The following CEPT1 variants were observed in gnomAD, a reference collection of about 807,000 sequenced individuals.
CEPT1 encodes choline/ethanolaminephosphotransferase 1.
CEPT1 carries 7 observed loss-of-function variants against 42.6 expected under a neutral mutation model. That is an observed-to-expected ratio of 0.16 (90% CI 0.09 to 0.31). The LOEUF is 0.31. Among genes scored for constraint, CEPT1 ranks in the 10% least tolerant of loss-of-function variants. CEPT1 has a pLI of 1.00. For missense variants in CEPT1, 306 were observed against 502.1 expected (o/e 0.61, Z 3.73); for synonymous variants, 171 against 171.9 (o/e 0.99, Z 0.04).
intron 1 of CEPT1, among the ~76,000 whole-genome samples, chr1:111,145,127 T>G (rs1222653501): frequency 6.6e-6 from 1 of 152,116 alleles, no homozygotes; most frequent in Non-Finnish European, 1.5e-5. Flanking sequence ...GCAATTCTCC[T>G]GCCTCAGCCT....
chr1:111,150,851 C>T lies in CEPT1; in HGVS notation c.339+2798C>T, dbSNP rs181010963. 2.1e-3 allele frequency among the ~76,000 whole-genome samples: 315 copies of T among 152,244 alleles called. 1 individual carries two copies. Among genetic ancestry groups the T allele is most frequent in the Admixed American group, 3.3e-3 (51 of 15,296 alleles). ...TTTTATATGGAGAGCCAAAATTTCC[C>T]TTTGATCTGTTCATTACTCAGTATT... On this transcript the variant is annotated intron_variant, in intron 2 of 8. Coordinates refer to ENST00000357172, the MANE Select transcript of CEPT1 (RefSeq NM_006090.5).
At chr1:111,165,381 G>A (rs1161016074) in intron 4 of CEPT1, among the ~76,000 whole-genome samples, 1 of 151,814 alleles carries the variant, frequency 6.6e-6, no homozygotes, top group African/African-American at 2.4e-5. Flanking sequence ...AAAAATCTAT[G>A]CTGTAAAGGC....
chr1:111,140,080 T>A (rs1403647024), upstream of CEPT1: 2 of 152,344 alleles, frequency 1.3e-5, no homozygotes, highest in Non-Finnish European at 2.9e-5. Context: ...CCGAAGCCCC[T>A]ATGCTAAAAG....
At chr1:111,152,114 T>G (rs531022033) in intron 2 of CEPT1, among the ~76,000 whole-genome samples, 52 of 152,340 alleles carry the variant, frequency 3.4e-4, no homozygotes, top group African/African-American at 1.2e-3. Context: ...AAGAGTCGTG[T>G]CAGATTTCAA....
chr1:111,168,861 T>C (rs930431369), intron 4 of CEPT1, among the ~76,000 whole-genome samples: 10 of 152,148 alleles, frequency 6.6e-5, no homozygotes, highest in African/African-American at 2.4e-4. Context: ...CAAAATAACC[T>C]TGGAATGTGG....
intron 2 of CEPT1, among the ~76,000 whole-genome samples, chr1:111,158,529 A>G (rs1218149519): frequency 6.6e-6 from 1 of 152,220 alleles, no homozygotes; most frequent in African/African-American, 2.4e-5. Context: ...AGAGATGTTT[A>G]AAAATGTTAC....
At chr1:111,147,278 G>T (rs1458052551) in intron 1 of CEPT1, among the ~76,000 whole-genome samples, 1 of 152,156 alleles carries the variant, frequency 6.6e-6, no homozygotes, top group African/African-American at 2.4e-5. Flanking sequence ...TAATTTGCTA[G>T]CCTTGGGACC....
rs766325925 is a variant in CEPT1 at position 111,147,698 on chromosome 1, A to T, written c.-17A>T. On this transcript the variant is annotated 5_prime_UTR_variant, in exon 2 of 9. Transcript: ENST00000357172. ...AGGGAAATTACTGTCTTTAAATATT[A>T]AAAAAAAACAAGATCCATGAGTGGG... is the stretch of plus-strand genomic sequence containing the variant. 1.3e-6 allele frequency: 2 copies of T among 1,517,742 alleles called. No homozygotes were observed. The highest frequency in any genetic ancestry group is 1.8e-6 in the Non-Finnish European group (2 of 1,119,422). 94.0% of individuals were successfully genotyped at this position (1,517,742 alleles called of 1,614,324 possible).
intron 4 of CEPT1, among the ~76,000 whole-genome samples, chr1:111,170,351 G>A (rs1371992968): frequency 1.3e-5 from 2 of 152,102 alleles, no homozygotes. Flanking sequence ...TTCTCAGAAA[G>A]TCTGAAGATC....
At chr1:111,169,177 A>AC (rs373892740) in intron 4 of CEPT1, among the ~76,000 whole-genome samples, 5 of 152,344 alleles carry the variant, frequency 3.3e-5, no homozygotes, top group African/African-American at 1.2e-4. Context: ...TGGATGCAGA[A>AC]CCCACAGATA....
At chr1:111,172,682 G>A (rs1656480482) in intron 4 of CEPT1, among the ~76,000 whole-genome samples, 1 of 152,122 alleles carries the variant, frequency 6.6e-6, no homozygotes, top group African/African-American at 2.4e-5. Context: ...TGCACTGCAT[G>A]CACCCTTTTT....
intron 2 of CEPT1, 114 bp from the exon 3 acceptor site, chr1:111,159,266 G>T: frequency 2.1e-6 from 2 of 952,728 alleles, no homozygotes; most frequent in Non-Finnish European, 3.2e-6. Context: ...GTAGCACTTG[G>T]ATCTTCTCTC....
chr1:111,174,741 C>T (rs1233636783), intron 4 of CEPT1, 138 bp from the exon 5 acceptor site: 4 of 511,412 alleles, frequency 7.8e-6, no homozygotes, highest in Non-Finnish European at 1.1e-5. Context: ...TTTTTGATGC[C>T]TCCTTTTCCC....
intron 4 of CEPT1, among the ~76,000 whole-genome samples, chr1:111,163,346 A>G (rs533949920): frequency 1.1e-4 from 16 of 152,328 alleles, no homozygotes; most frequent in African/African-American, 2.9e-4. Context: ...GAAATGTGCT[A>G]TGGCCAGGCA....
intron 2 of CEPT1, among the ~76,000 whole-genome samples, chr1:111,154,623 T>C (rs1655462319): frequency 6.6e-6 from 1 of 152,336 alleles, no homozygotes; most frequent in South Asian, 2.1e-4. Flanking sequence ...GCTGTTGGTA[T>C]GTCATATATG....
chr1:111,160,971 G>C, intron 3 of CEPT1, 184 bp from the exon 4 acceptor site: 1 of 481,454 alleles, frequency 2.1e-6, no homozygotes, highest in Non-Finnish European at 3.6e-6. Flanking sequence ...AAAAAAAAAA[G>C]AGAGATTGAA....
chr1:111,141,882 G>C (rs1393460703), intron 1 of CEPT1, among the ~76,000 whole-genome samples: 1 of 151,686 alleles, frequency 6.6e-6, no homozygotes, highest in African/African-American at 2.4e-5. Flanking sequence ...GTAGCCATGA[G>C]TATTTTTCTT....
chr1:111,178,831 A>G (rs1400697393), intron 5 of CEPT1: 3 of 152,316 alleles, frequency 2.0e-5, no homozygotes, highest in Middle Eastern at 3.4e-3. Context: ...CAGACTGAAG[A>G]CGTTCTATGT....
At position 111,175,400 on chromosome 1, in the gene CEPT1, C is replaced by G. The variant is rs186836264; in HGVS notation, c.714+437C>G. Among the ~76,000 whole-genome samples the G allele has an allele frequency of 1.1e-4, 17 of 152,312 alleles. No homozygotes were observed. The East Asian group carries it at 3.1e-3, about 28-fold the overall frequency. On this transcript the variant is annotated intron_variant, in intron 5 of 8. Transcript: ENST00000357172. ...AGGATAAATACCTGTTGAATGAAAT[C>G]AGTGCCATGGGATTGTTTGAACGAG... is the stretch of plus-strand genomic sequence containing the variant.
Sources: allele counts gnomAD v4.1 joint callset (sites outside exome capture counted in the v4.1 genomes callset), GRCh38; gene constraint gnomAD v4.1.1; transcripts MANE v1.5; gene names NCBI Gene and HGNC (gene_info 2026-07-23, HGNC 2026-07-21).